ASIC2: variants seen among roughly 807,000 people sequenced by gnomAD.
ASIC2 encodes acid sensing ion channel subunit 2, also known as acid-sensing ion channel 2.
In ASIC2, 25 loss-of-function variants were observed where a neutral mutation model predicts 57.3. That is an observed-to-expected ratio of 0.44 (90% CI 0.32 to 0.61). The LOEUF is 0.61. Among genes scored for constraint, ASIC2 ranks in the 20% least tolerant of loss-of-function variants. The pLI, the probability that ASIC2 is intolerant of heterozygous loss-of-function variation, is 0.06. For missense variants in ASIC2, 641 were observed against 738.1 expected (o/e 0.87, Z 1.52); for synonymous variants, 319 against 307.5 (o/e 1.04, Z -0.39).
intron 1 of ASIC2, among the ~76,000 whole-genome samples, chr17:33,841,345 G>A (rs1188289703): frequency 6.6e-6 from 1 of 152,230 alleles, no homozygotes; most frequent in Non-Finnish European, 1.5e-5. Flanking sequence ...GTGGGAGGTT[G>A]AGATTACTTA....
At chr17:33,073,016 GA>G (rs2092075398) in intron 3 of ASIC2, among the ~76,000 whole-genome samples, 1 of 152,144 alleles carries the variant, frequency 6.6e-6, no homozygotes. Context: ...ATGGTGTGTG[GA>G]CAAAATATGA....
At chr17:33,886,498 C>T (rs1299384271) in intron 1 of ASIC2, among the ~76,000 whole-genome samples, 1 of 152,102 alleles carries the variant, frequency 6.6e-6, no homozygotes, top group African/African-American at 2.4e-5. Context: ...ACATGCAATC[C>T]TCATTCAAAC....
chr17:33,558,628 T>G (rs1472878063), intron 1 of ASIC2, among the ~76,000 whole-genome samples: 1 of 152,206 alleles, frequency 6.6e-6, no homozygotes, highest in Non-Finnish European at 1.5e-5. Flanking sequence ...AGTAAACATT[T>G]TAGGCTTGTG....
intron 1 of ASIC2, among the ~76,000 whole-genome samples, chr17:33,922,283 C>T (rs1026688562): frequency 1.3e-5 from 2 of 151,944 alleles, no homozygotes; most frequent in African/African-American, 2.4e-5. Context: ...AGGACTCCCT[C>T]CCTCCTTCCT....
intron 1 of ASIC2, among the ~76,000 whole-genome samples, chr17:33,755,572 C>T (rs1344894433): frequency 6.6e-6 from 1 of 152,192 alleles, no homozygotes. Flanking sequence ...TCATTGGAGA[C>T]TGAATGCTTT....
At chr17:33,676,509 AGTG>A (rs145606425) in intron 1 of ASIC2, among the ~76,000 whole-genome samples, 6,832 of 152,314 alleles carry the variant, frequency 0.045, 389 homozygotes, top group African/African-American at 0.13. Context: ...AGAACGTTTC[AGTG>A]GTCTGGATAG....
At chr17:33,509,766 C>T (rs998076796) in intron 1 of ASIC2, among the ~76,000 whole-genome samples, 1 of 152,202 alleles carries the variant, frequency 6.6e-6, no homozygotes, top group African/African-American at 2.4e-5. Context: ...TCACTGAAAG[C>T]TGAATATAGC....
At chr17:33,607,770 G>A in intron 1 of ASIC2, among the ~76,000 whole-genome samples, 1 of 152,146 alleles carries the variant, frequency 6.6e-6, no homozygotes, top group East Asian at 1.9e-4. Flanking sequence ...AGAAATCTGA[G>A]CAAAATTGTG....
chr17:33,459,919 C>A (rs112990504), intron 1 of ASIC2, among the ~76,000 whole-genome samples: 6 of 152,090 alleles, frequency 3.9e-5, no homozygotes, highest in African/African-American at 1.4e-4. Context: ...TTAGGTGGCA[C>A]CAAGTTCATT....
intron 1 of ASIC2, among the ~76,000 whole-genome samples, chr17:33,981,711 A>T (rs894477214): frequency 1.3e-5 from 2 of 152,150 alleles, no homozygotes; most frequent in Non-Finnish European, 2.9e-5. Context: ...GGGGAAGATT[A>T]GCTAACATCT....
intron 1 of ASIC2, among the ~76,000 whole-genome samples, chr17:34,074,782 C>CTTTCT (rs766863858): frequency 5.3e-5 from 6 of 113,942 alleles, no homozygotes; most frequent in Non-Finnish European, 8.8e-5. Context: ...TTCTTTCTTT[C>CTTTCT]TTTTTTTTTT....
intron 3 of ASIC2, among the ~76,000 whole-genome samples, chr17:33,080,031 C>A (rs1425062548): frequency 6.6e-6 from 1 of 152,022 alleles, no homozygotes; most frequent in Non-Finnish European, 1.5e-5. Context: ...AGTTCAGCAG[C>A]CCCTGGAATG....
At chr17:34,107,079 A>G (rs530656422) in intron 1 of ASIC2, among the ~76,000 whole-genome samples, 19 of 152,284 alleles carry the variant, frequency 1.2e-4, no homozygotes, top group African/African-American at 4.6e-4. Context: ...ACACACATAT[A>G]TGTACATATT....
intron 1 of ASIC2, among the ~76,000 whole-genome samples, chr17:33,615,825 C>T (rs1905584796): frequency 6.6e-6 from 1 of 152,200 alleles, no homozygotes; most frequent in Non-Finnish European, 1.5e-5. Flanking sequence ...CTTCACTACT[C>T]TCTGGGGGCA....
Position 33,606,958 on chromosome 17 carries a change from G to A in ASIC2, c.556-494891C>T, listed in dbSNP as rs796563390. On this transcript the variant is annotated intron_variant, in intron 1 of 9. Transcript: ENST00000359872. The stretch of plus-strand genomic sequence containing the variant: ...CTCTGCTGATTCTCCACCAGTGTGG[G>A]TGTTGCAGAGCAGTAAAGGTGTGCA... 9.2e-5 allele frequency among the ~76,000 whole-genome samples: 14 copies of A among 152,322 alleles called. 1 individual carries two copies. Among genetic ancestry groups the A allele is most frequent in the African/African-American group, 3.4e-4 (14 of 41,580 alleles).
At chr17:33,778,802 A>G (rs979968760) in intron 1 of ASIC2, among the ~76,000 whole-genome samples, 1 of 152,212 alleles carries the variant, frequency 6.6e-6, no homozygotes, top group South Asian at 2.1e-4. Flanking sequence ...TCTAGACTGC[A>G]TAGTGGATAC....
intron 1 of ASIC2, among the ~76,000 whole-genome samples, chr17:33,802,566 A>G (rs1912160258): frequency 4.6e-5 from 7 of 152,194 alleles, no homozygotes; most frequent in Admixed American, 2.0e-4. Context: ...TGCTTTGAAA[A>G]TAGTCCTGAA....
chr17:33,170,094 T>C (rs928587420), intron 1 of ASIC2, among the ~76,000 whole-genome samples: 3 of 152,350 alleles, frequency 2.0e-5, no homozygotes, highest in African/African-American at 7.2e-5. Context: ...AGTCATTATG[T>C]GGGAATGTGG....
At chr17:33,917,138 T>A (rs953091526) in intron 1 of ASIC2, among the ~76,000 whole-genome samples, 3 of 152,142 alleles carry the variant, frequency 2.0e-5, no homozygotes, top group Admixed American at 6.6e-5. Flanking sequence ...CAGTTCTTCT[T>A]CCTCCCCACA....
Sources: allele counts gnomAD v4.1 joint callset (sites outside exome capture counted in the v4.1 genomes callset), GRCh38; gene constraint gnomAD v4.1.1; transcripts MANE v1.5; gene names NCBI Gene and HGNC (gene_info 2026-07-23, HGNC 2026-07-21).